Variants in DNAH17 observed in about 807,000 individuals in gnomAD.
The protein encoded by DNAH17 is dynein axonemal heavy chain 17, also known as axonemal beta dynein heavy chain 17.
Under a neutral mutation model 485.6 loss-of-function variants are expected in DNAH17, and 376 were observed. That is an observed-to-expected ratio of 0.77 (90% CI 0.71 to 0.84). The LOEUF is 0.84. DNAH17 is among the 40% of genes least tolerant of loss of function. DNAH17 has a pLI of 0.00. For synonymous variants in DNAH17, 3,031 were observed against 2,405.9 expected (o/e 1.26, Z -7.60); for missense variants, 6,370 against 5,839.3 (o/e 1.09, Z -2.96).
At chr17:78,472,538 A>AT (rs1568106865) in intron 54 of DNAH17, 1 of 283,476 alleles carries the variant, frequency 3.5e-6, no homozygotes. Flanking sequence ...GGCTTTCTTC[A>AT]TGGGGCAGCC....
intron 26 of DNAH17, among the ~76,000 whole-genome samples, chr17:78,510,957 A>C (rs1282386545): frequency 2.0e-5 from 3 of 152,240 alleles, no homozygotes; most frequent in Non-Finnish European, 4.4e-5. Context: ...ACCAAGGCAG[A>C]GACAGGCATG....
intron 17 of DNAH17, 150 bp downstream of exon 17, chr17:78,543,707 G>C (rs1396877871): frequency 6.0e-6 from 7 of 1,172,784 alleles, no homozygotes; most frequent in East Asian, 2.3e-5. Context: ...TTACAGGTGA[G>C]AGCCACTGCA....
In DNAH17 at chr17:78,558,203, C is replaced by A; in HGVS notation, c.2083G>T (p.Glu695Ter). ...VKYLNFQQQK[E>*]IPDSAESLFS... ...AGACTCTCCGCACTGTCTGGAATCT[C>A]TTTCTGTTGCTGGAAATTCAAATAC... Residue 695 changes from glutamate (E) to a stop codon, truncating the protein, a stop_gained, in exon 14 of 81, where the codon GAG (glutamate) becomes TAG (stop). Transcript: ENST00000389840. LOFTEE classifies it high-confidence loss of function. 6.2e-7 allele frequency: 1 copy of A among 1,613,822 alleles called. No individual in the cohort carries two copies. The highest frequency in any genetic ancestry group is 8.5e-7 in the Non-Finnish European group (1 of 1,179,818).
chr17:78,553,283 G>GGTTTTTTTTTTTTTTTTTTTTTTTT, intron 14 of DNAH17, among the ~76,000 whole-genome samples: 1 of 51,018 alleles, frequency 2.0e-5, no homozygotes, highest in Non-Finnish European at 3.5e-5. Context: ...AGGTTTTTGT[G>GGTTTTTTTTTTTTTTTTTTTTTTTT]TTTTTTTTTT....
chr17:78,474,946 A>C (rs2088943200), intron 54 of DNAH17, among the ~76,000 whole-genome samples: 1 of 148,554 alleles, frequency 6.7e-6, no homozygotes, highest in African/African-American at 2.5e-5. Flanking sequence ...GAAAGGTTTC[A>C]GACCCTTCAC....
Position 78,571,329 on chromosome 17 carries a change from T to C in DNAH17, c.782A>G (p.Lys261Arg), listed in dbSNP as rs1025224694. Residue 261 changes from lysine to arginine, a missense_variant, in exon 5 of 81, where the codon AAA becomes AGA. By Grantham distance (26) the Lys-to-Arg change is conservative (BLOSUM62 2). Coordinates refer to ENST00000389840, the MANE Select transcript of DNAH17 (RefSeq NM_173628.4). ...TTGCAGGGCTGGCCAGTAGCAGCTT[T>C]TGGCTTTCTCTAGGATCTCAACAAT... The part of the protein sequence containing the change: ...NKIVEILEKA[K>R]SCYWPALQNV... 3.1e-6 allele frequency: 5 copies of C among 1,613,824 alleles called. No homozygotes were observed. Among genetic ancestry groups the C allele is most frequent in the Admixed American group, 3.3e-5 (2 of 59,992 alleles).
At position 78,455,785 on chromosome 17, in the gene DNAH17, C is replaced by T; in HGVS notation, c.10029G>A (p.Glu3343=). 6.2e-7 allele frequency: 1 copy of T among 1,613,208 alleles called. No homozygotes were observed. Among genetic ancestry groups the T allele is most frequent in the Non-Finnish European group, 8.5e-7 (1 of 1,179,568 alleles). Residue 3343 remains glutamate, a synonymous_variant, in exon 63 of 81, where the codon GAG becomes GAA. Coordinates refer to ENST00000389840, the MANE Select transcript of DNAH17 (RefSeq NM_173628.4). ...GCGTGACCCCCTGGCTCCTGAAGTT[C>T]TCCACAGACTCAGCCCAGCGGATGT... ...SENIRWAESV[E]NFRSQGVTLC...
intron 47 of DNAH17, among the ~76,000 whole-genome samples, 156 bp downstream of exon 47, chr17:78,485,394 C>A (rs1356220330): frequency 6.6e-6 from 1 of 152,156 alleles, no homozygotes; most frequent in Non-Finnish European, 1.5e-5. Flanking sequence ...TCCTCTGTCT[C>A]CGACTCAGGA....
Position 78,428,564 on chromosome 17 carries a change from C to T in DNAH17, c.12549G>A (p.Thr4183=), listed in dbSNP as rs781188439. Reference sequence around the variant, plus strand: ...ACACTCCCGTGCCTGCCCCCGAGTCCGTCTCTTTTGGCTGCATTTCCAGGA... The same window carrying T: ...ACACTCCCGTGCCTGCCCCCGAGTCTGTCTCTTTTGGCTGCATTTCCAGGA... The part of the protein sequence containing the change: ...RTVLEMQPKE[T]DSGAGTGVSR... The change falls in exon 77 of 81, where the codon ACG becomes ACA. Residue 4183 remains threonine (T), a synonymous_variant. Transcript: ENST00000389840. The T allele has an allele frequency of 3.0e-5, 49 of 1,613,532 alleles. No homozygotes were observed. Among genetic ancestry groups the T allele is most frequent in the East Asian group, 4.5e-5 (2 of 44,878 alleles).
At chr17:78,456,657 G>A (rs1207507562) in intron 62 of DNAH17, among the ~76,000 whole-genome samples, 11 of 152,318 alleles carry the variant, frequency 7.2e-5, no homozygotes, top group Admixed American at 5.2e-4. Flanking sequence ...GGCACACCAC[G>A]GGTCTGAAAG....
intron 54 of DNAH17, among the ~76,000 whole-genome samples, chr17:78,470,134 C>T (rs560987524): frequency 1.5e-3 from 188 of 126,492 alleles, no homozygotes; most frequent in Non-Finnish European, 2.3e-3. Flanking sequence ...AGTGCAGTGT[C>T]GCGATCTTGG....
intron 25 of DNAH17, among the ~76,000 whole-genome samples, chr17:78,516,149 A>C (rs1014353196): frequency 7.7e-6 from 1 of 129,798 alleles, no homozygotes; most frequent in Non-Finnish European, 1.7e-5. Flanking sequence ...TTGAAACCTT[A>C]ATCTACACAG....
intron 17 of DNAH17, 54 bp from the exon 18 acceptor site, chr17:78,539,934 T>C: frequency 6.6e-7 from 1 of 1,505,784 alleles, no homozygotes; most frequent in Non-Finnish European, 8.9e-7. Context: ...GCTTGCTCTT[T>C]GATCACACTG....
chr17:78,532,748 AG>A lies in DNAH17; in HGVS notation c.2860-13del. ...TCTTCCAGGTCCATCTGAAAGGGGCAGGGGAGAAGCAAAAAGGGGAGGTATG... is the reference window on the plus strand; with the variant it reads ...TCTTCCAGGTCCATCTGAAAGGGGCAGGGAGAAGCAAAAAGGGGAGGTATG... On this transcript the variant is annotated splice_polypyrimidine_tract_variant and intron_variant, in intron 19 of 80. Transcript: ENST00000389840. 1 of 1,579,884 alleles carries A rather than the reference AG, an allele frequency of 6.3e-7. No individual in the cohort carries two copies. Among genetic ancestry groups the A allele is most frequent in the Non-Finnish European group, 8.6e-7 (1 of 1,161,126 alleles).
intron 58 of DNAH17, among the ~76,000 whole-genome samples, chr17:78,460,807 C>G (rs1321133547): frequency 6.6e-6 from 1 of 152,112 alleles, no homozygotes; most frequent in African/African-American, 2.4e-5. Context: ...ATAATCCATC[C>G]AAAATGGAAC....
In DNAH17 at chr17:78,543,858, G is replaced by A. The variant is rs777538801; in HGVS notation, c.2531C>T (p.Ala844Val). Residue 844 changes from alanine to valine, a missense_variant and splice_region_variant, in exon 17 of 81, where the codon GCA (alanine) becomes GTA (valine). Transcript: ENST00000389840. ...AAAACCTCCTGGGTGTTTCCTTACT[G>A]CAACCATGGCTTGGATCTTCACTCC... ...DAGVKIQAMV[A>V]ENAELFRADT... 30 of 1,613,846 alleles carry A rather than the reference G, an allele frequency of 1.9e-5. No individual in the cohort carries two copies. The African/African-American group carries it at 2.4e-4, about 13-fold the overall frequency.
chr17:78,475,557 G>T (rs976421675), intron 53 of DNAH17, 88 bp from the exon 54 acceptor site: 2 of 1,601,862 alleles, frequency 1.2e-6, no homozygotes. Flanking sequence ...GCTGAGGTGT[G>T]CACTGTGTGC....
intron 16 of DNAH17, among the ~76,000 whole-genome samples, chr17:78,544,800 CAAAAAA>C (rs55669221): frequency 9.4e-4 from 44 of 46,872 alleles, no homozygotes; most frequent in Admixed American, 1.4e-3. Context: ...GACTCAGTCT[CAAAAAA>C]AAAAAAAAAA....
intron 25 of DNAH17, among the ~76,000 whole-genome samples, chr17:78,521,709 G>T (rs140463781): frequency 1.4e-4 from 22 of 152,060 alleles, no homozygotes; most frequent in Admixed American, 1.1e-3. Context: ...AAAACTGGCC[G>T]GGCATGGTGG....
Sources: gnomAD v4.1 joint callset for allele counts (sites outside exome capture counted in the v4.1 genomes callset) on GRCh38, gnomAD v4.1.1 for gene constraint, MANE v1.5 for transcripts, NCBI Gene and HGNC (gene_info 2026-07-23, HGNC 2026-07-21) for gene names.